PTPRR: variants seen among roughly 807,000 people sequenced by gnomAD.
PTPRR encodes protein tyrosine phosphatase receptor type R.
PTPRR carries 38 observed loss-of-function variants against 77.2 expected under a neutral mutation model. The observed-to-expected ratio is 0.49, with a 90% CI of 0.38 to 0.65. The LOEUF is 0.65. Among genes scored for constraint, PTPRR ranks in the 30% least tolerant of loss-of-function variants. The pLI is 0.00. For synonymous variants in PTPRR, 299 were observed against 283.1 expected (o/e 1.06, Z -0.57); for missense variants, 744 against 799.2 (o/e 0.93, Z 0.83).
At chr12:70,745,772 CTT>C (rs760041850) in intron 6 of PTPRR, 44 bp downstream of exon 6, 7 of 1,568,738 alleles carry the variant, frequency 4.5e-6, no homozygotes, top group Middle Eastern at 1.7e-4. Context: ...GATGAATACT[CTT>C]TTTATAAAAA....
chr12:70,751,362 C>A (rs1262587577), intron 5 of PTPRR, among the ~76,000 whole-genome samples: 36 of 152,276 alleles, frequency 2.4e-4, no homozygotes, highest in Admixed American at 2.3e-3. Flanking sequence ...ATCTTCTTCA[C>A]TGGGATATTG....
intron 10 of PTPRR, among the ~76,000 whole-genome samples, chr12:70,679,499 A>G (rs1360586215): frequency 1.3e-5 from 2 of 152,180 alleles, no homozygotes; most frequent in Non-Finnish European, 2.9e-5. Context: ...GTTGAAGTTC[A>G]TGATTATTAC....
chr12:70,866,602 TACA>T (rs1372428805), intron 2 of PTPRR, among the ~76,000 whole-genome samples: 3 of 152,106 alleles, frequency 2.0e-5, no homozygotes, highest in Non-Finnish European at 4.4e-5. Flanking sequence ...CTACCAAAGG[TACA>T]AGGAGGAACT....
intron 6 of PTPRR, among the ~76,000 whole-genome samples, chr12:70,724,485 A>G (rs376508245): frequency 6.6e-6 from 1 of 152,198 alleles, no homozygotes; most frequent in East Asian, 1.9e-4. Flanking sequence ...TAAATGCAAC[A>G]GTGTAACTCT....
chr12:70,721,234 T>G (rs1889239735), intron 6 of PTPRR, among the ~76,000 whole-genome samples: 1 of 152,202 alleles, frequency 6.6e-6, no homozygotes, highest in African/African-American at 2.4e-5. Flanking sequence ...AGAAATATAC[T>G]GAGGAGAACC....
intron 2 of PTPRR, among the ~76,000 whole-genome samples, chr12:70,808,503 C>T (rs1008733466): frequency 2.0e-5 from 3 of 152,100 alleles, no homozygotes; most frequent in African/African-American, 7.2e-5. Context: ...CCCTTGGACA[C>T]CCAGCTTTAA....
chr12:70,878,783 T>A (rs1218459653), intron 2 of PTPRR, among the ~76,000 whole-genome samples: 3 of 152,220 alleles, frequency 2.0e-5, no homozygotes, highest in Admixed American at 6.5e-5. Context: ...GTCAAGCTGC[T>A]ATAAAGGCAC....
chr12:70,658,586 C>T lies in PTPRR; in HGVS notation c.1767-1769G>A, dbSNP rs1479470883. Among the ~76,000 whole-genome samples the T allele has an allele frequency of 2.6e-5, 4 of 152,076 alleles. 1 individual carries two copies. The South Asian group carries it at 6.2e-4, about 24-fold the overall frequency. ...AAAGAAGAAAAGAATTAATGAGAAA[C>T]AGCAAATATGATTTGCAACAATAAG... On this transcript the variant is annotated intron_variant, in intron 12 of 13. Coordinates refer to ENST00000283228, the MANE Select transcript of PTPRR (RefSeq NM_002849.4).
At chr12:70,674,046 G>A (rs1458720506) in intron 10 of PTPRR, among the ~76,000 whole-genome samples, 4 of 151,922 alleles carry the variant, frequency 2.6e-5, no homozygotes, top group African/African-American at 9.7e-5. Context: ...GGATCCTTTT[G>A]CCTCAGCCTT....
chr12:70,893,524 C>T (rs917573321), intron 1 of PTPRR, among the ~76,000 whole-genome samples: 1 of 151,916 alleles, frequency 6.6e-6, no homozygotes, highest in South Asian at 2.1e-4. Flanking sequence ...TATCCATCGT[C>T]TCCTTACTTG....
chr12:70,715,138 G>A (rs1888975407), intron 6 of PTPRR, among the ~76,000 whole-genome samples: 1 of 152,088 alleles, frequency 6.6e-6, no homozygotes, highest in African/African-American at 2.4e-5. Context: ...AAGGGACAGA[G>A]TACAAAAGAG....
chr12:70,729,322 A>G lies in PTPRR; in HGVS notation c.1007+16496T>C, dbSNP rs5000438. Among the ~76,000 whole-genome samples, 6 of 116,214 alleles carry G rather than the reference A, an allele frequency of 5.2e-5. No homozygotes were observed. In the South Asian group the frequency reaches 1.1e-3, roughly 22 times the overall value. The allele number at this position is 116,214 out of a possible 152,430, so 76.2% of individuals were successfully genotyped here. On this transcript the variant is annotated intron_variant, in intron 6 of 13. Coordinates refer to ENST00000283228, the MANE Select transcript of PTPRR (RefSeq NM_002849.4). ...ATGTAGAGATGATCTATTTGTATCTATCTGTCTATCTATCTATCTATCTAT... is the reference window on the plus strand; with the variant it reads ...ATGTAGAGATGATCTATTTGTATCTGTCTGTCTATCTATCTATCTATCTAT...
At chr12:70,719,137 A>G (rs1364145797) in intron 6 of PTPRR, among the ~76,000 whole-genome samples, 1 of 152,152 alleles carries the variant, frequency 6.6e-6, no homozygotes, top group African/African-American at 2.4e-5. Flanking sequence ...TACGGAAATC[A>G]TTTTTGACAA....
chr12:70,726,642 G>A (rs531150861), intron 6 of PTPRR, among the ~76,000 whole-genome samples: 255 of 150,680 alleles, frequency 1.7e-3, no homozygotes, highest in Middle Eastern at 3.4e-3. Flanking sequence ...GTGCAGTGGC[G>A]TGATCATAGC....
At chr12:70,679,999 GT>G (rs1201631046) in intron 10 of PTPRR, among the ~76,000 whole-genome samples, 1 of 151,924 alleles carries the variant, frequency 6.6e-6, no homozygotes, top group Non-Finnish European at 1.5e-5. Context: ...TGACTTGGTG[GT>G]TTTCCATAGT....
At chr12:70,803,440 G>A (rs569085474) in intron 2 of PTPRR, among the ~76,000 whole-genome samples, 2 of 152,266 alleles carry the variant, frequency 1.3e-5, no homozygotes, top group Admixed American at 1.3e-4. Flanking sequence ...CAAACACCAA[G>A]AAGAAGCAGT....
rs58439089 is a variant in PTPRR, at chr12:70,919,673, G to GTTTTT, written c.58+655_58+659dup. Among the ~76,000 whole-genome samples, 617 of 110,000 alleles carry GTTTTT rather than the reference G, an allele frequency of 5.6e-3. 61 individuals are homozygous for GTTTTT. Among genetic ancestry groups the GTTTTT allele is most frequent in the Non-Finnish European group, 9.3e-3 (484 of 52,306 alleles). 72.2% of individuals were successfully genotyped at this position (110,000 alleles called of 152,430 possible). A position where few individuals can be genotyped will look rare whatever the true frequency, so the allele number is the denominator to read the frequency against. On this transcript the variant is annotated intron_variant, in intron 1 of 13. Coordinates refer to ENST00000283228, the MANE Select transcript of PTPRR (RefSeq NM_002849.4). ...GGTTGTCAGCTTTGGAACTGTAATTGTTTTTTTTTTTTTTTTTTTTTTTTT... is the reference window on the plus strand; with the variant it reads ...GGTTGTCAGCTTTGGAACTGTAATTGTTTTTTTTTTTTTTTTTTTTTTTTTTTTTT...
intron 2 of PTPRR, among the ~76,000 whole-genome samples, chr12:70,836,636 C>G (rs1040358015): frequency 1.3e-5 from 2 of 152,132 alleles, no homozygotes; most frequent in East Asian, 3.9e-4. Context: ...ATGCTCCTTG[C>G]TGCCTCAGGA....
chr12:70,774,829 A>G (rs74698473), intron 2 of PTPRR, among the ~76,000 whole-genome samples: 1,760 of 152,344 alleles, frequency 0.012, 19 homozygotes, highest in Non-Finnish European at 0.02. Flanking sequence ...ATATGACTTT[A>G]TATAGTTAGA....
Sources: allele counts gnomAD v4.1 joint callset (sites outside exome capture counted in the v4.1 genomes callset), GRCh38; gene constraint gnomAD v4.1.1; transcripts MANE v1.5; gene names NCBI Gene and HGNC (gene_info 2026-07-23, HGNC 2026-07-21).